The following FAM184B variants were observed in gnomAD, a reference collection of about 807,000 sequenced individuals.
The protein encoded by FAM184B is family with sequence similarity 184 member B.
FAM184B carries 111 observed loss-of-function variants against 135.9 expected under a neutral mutation model. The ratio of observed to expected loss-of-function variants is 0.82; its 90% CI spans 0.70 to 0.96. The LOEUF is 0.96. FAM184B is among the 40% of genes least tolerant of loss of function. The pLI, the probability that FAM184B is intolerant of heterozygous loss-of-function variation, is 0.00. For missense variants in FAM184B, 1,375 were observed against 1,323.9 expected (o/e 1.04, Z -0.60); for synonymous variants, 552 against 524.8 (o/e 1.05, Z -0.71).
chr4:17,695,035 C>T (rs1267923860), intron 5 of FAM184B, among the ~76,000 whole-genome samples: 2 of 152,168 alleles, frequency 1.3e-5, no homozygotes, highest in African/African-American at 4.8e-5. Context: ...GAGGAGCTGC[C>T]ATGGCTAGAC....
intron 8 of FAM184B, among the ~76,000 whole-genome samples, chr4:17,663,415 AGTCAAACT>A (rs1715963929): frequency 6.6e-6 from 1 of 152,198 alleles, no homozygotes; most frequent in South Asian, 2.1e-4. Flanking sequence ...GAAGAAAGGA[AGTCAAACT>A]ATCCCTATTT....
intron 8 of FAM184B, among the ~76,000 whole-genome samples, chr4:17,660,673 T>C (rs1424907982): frequency 6.6e-6 from 1 of 151,864 alleles, no homozygotes; most frequent in African/African-American, 2.4e-5. Context: ...TGCTGACAAA[T>C]GTCTTTAGAA....
At position 17,639,308 on chromosome 4, in the gene FAM184B, C is replaced by A. The variant is rs1227919598; in HGVS notation, c.2608G>T (p.Ala870Ser). ...EHRKEMQAMV[A>S]DFSSAQAQLQ... ...TGGGCCTGGGCACTACTGAAATCTGCCACCATGGCCTGCATCTCCTTCCGG... is the reference window on the plus strand; with the variant it reads ...TGGGCCTGGGCACTACTGAAATCTGACACCATGGCCTGCATCTCCTTCCGG... Residue 870 changes from alanine (A) to serine (S), a missense_variant, in exon 14 of 18, where the codon GCA (alanine) becomes TCA (serine). Ala to Ser is a moderately conservative substitution (Grantham distance 99). Coordinates refer to ENST00000265018, the MANE Select transcript of FAM184B (RefSeq NM_015688.2). 2 of 1,551,752 alleles carry A rather than the reference C, an allele frequency of 1.3e-6. No individual in the cohort carries two copies. The highest frequency in any genetic ancestry group is 3.9e-5 in the Admixed American group (2 of 51,006).
chr4:17,723,723 T>C (rs1172452427), intron 1 of FAM184B, among the ~76,000 whole-genome samples: 1 of 152,190 alleles, frequency 6.6e-6, no homozygotes. Flanking sequence ...TCCAGAAATG[T>C]CTAGGCAGGA....
At chr4:17,755,200 T>A (rs923887199) in intron 1 of FAM184B, among the ~76,000 whole-genome samples, 3 of 152,170 alleles carry the variant, frequency 2.0e-5, no homozygotes, top group South Asian at 2.1e-4. Context: ...AGTATCAATA[T>A]GAACTCATGA....
intron 2 of FAM184B, among the ~76,000 whole-genome samples, 199 bp downstream of exon 2, chr4:17,708,693 A>C (rs1268436595): frequency 4.5e-4 from 23 of 51,098 alleles, no homozygotes; most frequent in African/African-American, 1.8e-3. Flanking sequence ...ATATATATAT[A>C]TATATATATA....
chr4:17,636,734 C>CTG, intron 14 of FAM184B, 89 bp from the exon 15 acceptor site: 10 of 1,121,428 alleles, frequency 8.9e-6, no homozygotes, highest in Non-Finnish European at 1.1e-5. Flanking sequence ...GAATGCCATC[C>CTG]TGTGTTCAGC....
At chr4:17,643,075 C>G (rs147438816) in intron 12 of FAM184B, among the ~76,000 whole-genome samples, 1 of 152,394 alleles carries the variant, frequency 6.6e-6, no homozygotes, top group East Asian at 1.9e-4. Flanking sequence ...CCACTTGGCA[C>G]TCTCACATGC....
chr4:17,678,917 A>G (rs1396637089), intron 7 of FAM184B, among the ~76,000 whole-genome samples: 2 of 152,088 alleles, frequency 1.3e-5, no homozygotes, highest in Admixed American at 6.5e-5. Flanking sequence ...AACAAAAAAC[A>G]TAAAGTGGGG....
At chr4:17,716,707 T>C (rs555987951) in intron 1 of FAM184B, among the ~76,000 whole-genome samples, 2 of 152,218 alleles carry the variant, frequency 1.3e-5, no homozygotes, top group African/African-American at 2.4e-5. Context: ...CTGTCCCTCA[T>C]GGTCAATCAT....
rs752554843 is a variant in FAM184B at position 17,630,548 on chromosome 4, A to G, written c.*1984T>C. On this transcript the variant is annotated 3_prime_UTR_variant, in exon 18 of 18. Transcript: ENST00000265018. The stretch of plus-strand genomic sequence containing the variant: ...CTAGGACTGTGAGTGACATATTTCT[A>G]TTGTTTATAAATTATCCAGTATAAG... 2.6e-5 allele frequency: 4 copies of G among 152,172 alleles called. No homozygotes were observed. Among genetic ancestry groups the G allele is most frequent in the Non-Finnish European group, 4.4e-5 (3 of 68,038 alleles). 9.4% of individuals were successfully genotyped at this position (152,172 alleles called of 1,614,324 possible). A position where few individuals can be genotyped will look rare whatever the true frequency, so the allele number is the denominator to read the frequency against.
chr4:17,638,424 C>T (rs1284995062), intron 14 of FAM184B, among the ~76,000 whole-genome samples: 1 of 151,620 alleles, frequency 6.6e-6, no homozygotes, highest in African/African-American at 2.4e-5. Flanking sequence ...AACTCCTGGG[C>T]TCAAGCAGTC....
chr4:17,739,085 C>T (rs62412698), intron 1 of FAM184B, among the ~76,000 whole-genome samples: 8,133 of 152,302 alleles, frequency 0.053, 315 homozygotes, highest in Non-Finnish European at 0.073. Flanking sequence ...TTAACACACC[C>T]TGTGCCTGCA....
In FAM184B at chr4:17,705,001, CT is replaced by C. The variant is rs1322200193; in HGVS notation, c.1375del (p.Arg459GlyfsTer3). ...SVEAERKKLQ[R>X]EVEAQLEEVR... The stretch of plus-strand genomic sequence containing the variant: ...AGTCTCTATGGAAGTAGGTCTCACC[CT>C]CTGCAGTTTCTTTCTTTCAGCCTCC... On this transcript the variant is annotated frameshift_variant and splice_region_variant, in exon 5 of 18. Transcript: ENST00000265018. LOFTEE classifies it high-confidence loss of function. 6.4e-7 allele frequency: 1 copy of C among 1,551,444 alleles called. No individual in the cohort carries two copies. Among genetic ancestry groups the C allele is most frequent in the African/African-American group, 1.4e-5 (1 of 73,022 alleles).
chr4:17,700,645 C>T (rs543351886), intron 5 of FAM184B, among the ~76,000 whole-genome samples: 1 of 152,106 alleles, frequency 6.6e-6, no homozygotes, highest in South Asian at 2.1e-4. Flanking sequence ...CAAACTTGAC[C>T]TAATTAGCTT....
intron 4 of FAM184B, 54 bp from the exon 5 acceptor site, chr4:17,705,260 G>A: frequency 7.5e-7 from 1 of 1,327,332 alleles, no homozygotes; most frequent in Non-Finnish European, 1.0e-6. Context: ...GAGGAGCAAG[G>A]AATCACCATT....
At chr4:17,722,518 C>A (rs564259676) in intron 1 of FAM184B, among the ~76,000 whole-genome samples, 1 of 152,362 alleles carries the variant, frequency 6.6e-6, no homozygotes, top group Admixed American at 6.5e-5. Flanking sequence ...AGGCACCTAG[C>A]TGCACATGGC....
chr4:17,747,772 T>A (rs1460573891), intron 1 of FAM184B, among the ~76,000 whole-genome samples: 1 of 151,416 alleles, frequency 6.6e-6, no homozygotes, highest in Non-Finnish European at 1.5e-5. Flanking sequence ...ATACAAAAAA[T>A]TAGCCGGGCG....
At chr4:17,693,965 T>TAAATA (rs1560178205) in intron 5 of FAM184B, among the ~76,000 whole-genome samples, 2 of 151,778 alleles carry the variant, frequency 1.3e-5, no homozygotes, top group African/African-American at 2.4e-5. Flanking sequence ...AACAAATACA[T>TAAATA]AAATAAAATA....
Sources: allele counts gnomAD v4.1 joint callset (sites outside exome capture counted in the v4.1 genomes callset), GRCh38; gene constraint gnomAD v4.1.1; transcripts MANE v1.5; gene names NCBI Gene and HGNC (gene_info 2026-07-23, HGNC 2026-07-21).